The following TTLL13 variants were observed in gnomAD, a reference collection of about 807,000 sequenced individuals.
TTLL13 encodes the protein tubulin tyrosine ligase like 13.
At chr15:90,255,670 ATCC>A in the TTLL13 span, 6 of 1,589,688 alleles carry the variant, frequency 3.8e-6, no homozygotes, top group East Asian at 2.2e-5. Flanking sequence ...AACCTTCCCA[ATCC>A]TCCTCCACTG....
At chr15:90,263,189 G>T in the TTLL13 span, 1 of 1,468,536 alleles carries the variant, frequency 6.8e-7, no homozygotes, top group South Asian at 1.3e-5. Flanking sequence ...GGGAACAAGG[G>T]CTGTCATTCC....
At chr15:90,254,585 G>T in the TTLL13 span, among the ~76,000 whole-genome samples, 1 of 150,836 alleles carries the variant, frequency 6.6e-6, no homozygotes, top group East Asian at 2.0e-4. Context: ...TCTCGTGCCT[G>T]AAATCCCTTT....
At chr15:90,256,621 CCT>C in the TTLL13 span, among the ~76,000 whole-genome samples, 1 of 69,668 alleles carries the variant, frequency 1.4e-5, no homozygotes, top group African/African-American at 5.4e-5. Context: ...TTCCTTCCTT[CCT>C]TCCTTCCTTC....
the TTLL13 span, chr15:90,263,825 C>G: frequency 4.1e-6 from 3 of 734,282 alleles, no homozygotes; most frequent in African/African-American, 1.7e-5. Context: ...GGGGCTGCCA[C>G]AGAGCAGGGC....
At chr15:90,257,218 A>G in the TTLL13 span, 1 of 1,613,544 alleles carries the variant, frequency 6.2e-7, no homozygotes, top group African/African-American at 1.3e-5. Flanking sequence ...GGATCTTCAC[A>G]TATGAGGAGG....
chr15:90,256,089 G>A, the TTLL13 span: 51 of 1,599,240 alleles, frequency 3.2e-5, no homozygotes, highest in East Asian at 8.9e-5. Context: ...ATGCGGCCCC[G>A]GGAAAGCCTT....
At chr15:90,252,019 C>A in the TTLL13 span, among the ~76,000 whole-genome samples, 1 of 149,566 alleles carries the variant, frequency 6.7e-6, no homozygotes, top group Admixed American at 6.8e-5. Flanking sequence ...GACTACAGGC[C>A]TGCACCACTA....
the TTLL13 span, among the ~76,000 whole-genome samples, chr15:90,254,200 TTTA>T: frequency 1.9e-5 from 2 of 106,968 alleles, no homozygotes; most frequent in African/African-American, 8.8e-5. Flanking sequence ...TTTTTTTTTT[TTTA>T]AAAAAAAAAG....
chr15:90,257,207 C>T, the TTLL13 span: 95 of 1,613,910 alleles, frequency 5.9e-5, no homozygotes, highest in African/African-American at 6.0e-4. Context: ...TGACCCTCTC[C>T]GGATCTTCAC....
the TTLL13 span, among the ~76,000 whole-genome samples, chr15:90,252,417 G>A: frequency 6.6e-6 from 1 of 152,132 alleles, no homozygotes; most frequent in African/African-American, 2.4e-5. Context: ...CTGGGCTCAA[G>A]TGATCCTCCC....
At chr15:90,253,173 A>G in the TTLL13 span, 12 of 1,254,852 alleles carry the variant, frequency 9.6e-6, 1 homozygote, top group South Asian at 1.5e-4. Flanking sequence ...TGTATACCTT[A>G]CCTGACCCAG....
chr15:90,256,586 TTTCTTTCTTTCTTTCTTTCTTTCC>T, the TTLL13 span, among the ~76,000 whole-genome samples: 106 of 32,292 alleles, frequency 3.3e-3, no homozygotes, highest in African/African-American at 0.011. Context: ...TCTTTCTTTC[TTTCTTTCTTTCTTTCTTTCTTTCC>T]TTCCTTCCTT....
the TTLL13 span, chr15:90,261,875 T>C: frequency 2.9e-6 from 2 of 685,160 alleles, no homozygotes; most frequent in East Asian, 5.9e-5. Context: ...CTTGGCAGCT[T>C]TCCCTACTTG....
the TTLL13 span, chr15:90,257,639 C>CA: frequency 1.2e-6 from 2 of 1,614,062 alleles, no homozygotes; most frequent in Non-Finnish European, 1.7e-6. Context: ...TTCCACAGGA[C>CA]AATGTCTGCA....
the TTLL13 span, chr15:90,261,861 T>C: frequency 5.0e-6 from 3 of 599,190 alleles, no homozygotes; most frequent in Non-Finnish European, 8.4e-6. Flanking sequence ...TAGCCAAAGA[T>C]GGGCTTGGCA....
chr15:90,256,122 A>G, the TTLL13 span: 9 of 1,611,948 alleles, frequency 5.6e-6, no homozygotes, highest in South Asian at 9.9e-5. Flanking sequence ...CCTTTTGACC[A>G]GGCCCTCTCT....
the TTLL13 span, among the ~76,000 whole-genome samples, chr15:90,253,580 C>T: frequency 1.8e-3 from 277 of 152,322 alleles, 1 homozygote; most frequent in African/African-American, 6.4e-3. Flanking sequence ...TTCTGGTGGG[C>T]ACATCCTATC....
chr15:90,262,727 A>C, the TTLL13 span: 3 of 1,408,968 alleles, frequency 2.1e-6, no homozygotes, highest in African/African-American at 2.9e-5. Flanking sequence ...GGACAACTAG[A>C]TAGGGGAATG....
chr15:90,255,802 G>A, the TTLL13 span: 9 of 1,614,034 alleles, frequency 5.6e-6, no homozygotes, highest in Non-Finnish European at 7.6e-6. Flanking sequence ...GCAAAGATCT[G>A]CTGGCTCGGA....
Sources: gnomAD v4.1 joint callset for allele counts (sites outside exome capture counted in the v4.1 genomes callset) on GRCh38, gnomAD v4.1.1 for gene constraint, MANE v1.5 for transcripts, NCBI Gene and HGNC (gene_info 2026-07-23, HGNC 2026-07-21) for gene names.